The following DHX30 variants were observed in gnomAD, a reference collection of about 807,000 sequenced individuals.
The protein encoded by DHX30 is DExH-box helicase 30.
In DHX30, 4 loss-of-function variants were observed where a neutral mutation model predicts 116.9. That is an observed-to-expected ratio of 0.03 (90% CI 0.02 to 0.08). DHX30 has a LOEUF of 0.08. Among genes scored for constraint, DHX30 ranks in the 10% least tolerant of loss-of-function variants. DHX30 has a pLI of 1.00. For synonymous variants in DHX30, 697 were observed against 651.7 expected, an observed-to-expected ratio of 1.07 and a Z score of -1.06; for missense variants, 871 against 1,595.1, an observed-to-expected ratio of 0.55 and a Z score of 7.73.
At chr3:47,817,488 G>C (rs2036109352) in intron 3 of DHX30, among the ~76,000 whole-genome samples, 1 of 152,306 alleles carries the variant, frequency 6.6e-6, no homozygotes, top group Admixed American at 6.5e-5. Flanking sequence ...GGAGAAGGCT[G>C]GTAAGTGTGC....
chr3:47,816,356 CTTTTTTT>C (rs200180200), intron 3 of DHX30: 1 of 924,380 alleles, frequency 1.1e-6, no homozygotes, highest in African/African-American at 2.1e-5. Flanking sequence ...GAGCCGTCTT[CTTTTTTT>C]TTTTTTTTTT....
In DHX30 at chr3:47,846,837, C is replaced by T; in HGVS notation, c.1765C>T (p.Leu589Phe). 1 of 1,612,302 alleles carries T rather than the reference C, an allele frequency of 6.2e-7. No homozygotes were observed. Among genetic ancestry groups the T allele is most frequent in the Non-Finnish European group, 8.5e-7 (1 of 1,179,636 alleles). Reference sequence around the variant, plus strand: ...GCTCAACCCGGCCCTGCGGCTGGTGCTCATGAGTGCCACAGGGGACAATGA... The same window carrying T: ...GCTCAACCCGGCCCTGCGGCTGGTGTTCATGAGTGCCACAGGGGACAATGA... ...QRLNPALRLV[L>F]MSATGDNERF... The change falls in exon 11 of 22, where the codon CTC (leucine) becomes TTC (phenylalanine). Residue 589 changes from leucine (L) to phenylalanine (F), a missense_variant. This residue lies in a region of DHX30 where 22 missense variants were observed against 18.8 expected (regional missense o/e 1.17). Transcript: ENST00000445061.
chr3:47,839,625 C>A (rs1434753514), intron 6 of DHX30, among the ~76,000 whole-genome samples: 1 of 151,980 alleles, frequency 6.6e-6, no homozygotes, highest in African/African-American at 2.4e-5. Flanking sequence ...TATATAACTT[C>A]TTATAACAGA....
chr3:47,804,490 G>A (rs1232974529), intron 1 of DHX30, among the ~76,000 whole-genome samples: 2 of 152,200 alleles, frequency 1.3e-5, no homozygotes, highest in Non-Finnish European at 2.9e-5. Flanking sequence ...AGGAGGCCGA[G>A]GTTGCAGTGA....
Position 47,840,293 on chromosome 3 carries a change from G to C in DHX30, c.367-584G>C, listed in dbSNP as rs181450613. Among the ~76,000 whole-genome samples, 591 of 149,708 alleles carry C rather than the reference G, an allele frequency of 3.9e-3. 4 individuals are homozygous for C. Among genetic ancestry groups the C allele is most frequent in the Admixed American group, 8.5e-3 (128 of 15,008 alleles). ...ATTACAGGTGTGAGCCACCGCACCCGGCCCTACGTACTTTTTAATTGCTGT... is the reference window on the plus strand; with the variant it reads ...ATTACAGGTGTGAGCCACCGCACCCCGCCCTACGTACTTTTTAATTGCTGT... On this transcript the variant is annotated intron_variant, in intron 6 of 21. Coordinates refer to ENST00000445061, the MANE Select transcript of DHX30 (RefSeq NM_138615.3).
At chr3:47,839,808 T>G (rs2037286304) in intron 6 of DHX30, among the ~76,000 whole-genome samples, 1 of 151,906 alleles carries the variant, frequency 6.6e-6, no homozygotes, top group African/African-American at 2.4e-5. Context: ...CCTGAGTAGC[T>G]GAGATTACAG....
intron 6 of DHX30, among the ~76,000 whole-genome samples, chr3:47,839,998 CTTTTCT>C (rs1361883389): frequency 2.9e-5 from 3 of 102,320 alleles, no homozygotes; most frequent in Admixed American, 1.0e-4. Flanking sequence ...TTTTTCTTTT[CTTTTCT>C]TTTTTTTTTT....
At chr3:47,805,302 T>C (rs1485336208) in intron 1 of DHX30, 24 bp from the exon 2 acceptor site, 2 of 398,916 alleles carry the variant, frequency 5.0e-6, no homozygotes, top group East Asian at 3.6e-5. Flanking sequence ...CTCCACTGTA[T>C]TGACTCAGCG....
intron 1 of DHX30, among the ~76,000 whole-genome samples, chr3:47,804,787 G>A (rs1292518372): frequency 1.3e-5 from 2 of 152,176 alleles, no homozygotes; most frequent in African/African-American, 4.8e-5. Flanking sequence ...GCAGCTATGG[G>A]ATCTTGGGCA....
rs201203161 is a variant in DHX30 at position 47,848,593 on chromosome 3, G to A, written c.2576-31G>A. On this transcript the variant is annotated intron_variant, in intron 16 of 21. Transcript: ENST00000445061. This position sits in a 1 kb window ranked among gnomAD's most constrained non-coding sequence, Gnocchi z 9.4. ...TGGGCTGGGCTGGGGAGTGGCTCTC[G>A]AGGGTGGTACTGACAGCTGAGCCGT... 1.6e-5 allele frequency: 26 copies of A among 1,614,048 alleles called. No individual in the cohort carries two copies. The Admixed American group carries it at 2.0e-4, about 12-fold the overall frequency.
At chr3:47,803,449 G>T (rs1041103583) in intron 1 of DHX30, among the ~76,000 whole-genome samples, 2 of 152,156 alleles carry the variant, frequency 1.3e-5, no homozygotes, top group African/African-American at 4.8e-5. Flanking sequence ...CCGGGCGGGG[G>T]CGGGGGCCAG....
chr3:47,841,019 C>G lies in DHX30; in HGVS notation c.509C>G (p.Pro170Arg), dbSNP rs61757585. ...CCTACTTCCTGGCGGCAGCTGAATC[C>G]AGAGAGTATTCGACCAGGGGGACCT... ...MPPTSWRQLN[P>R]ESIRPGGPGG... is the part of the protein sequence containing the mutation. The change falls in exon 7 of 22, where the codon CCA (proline) becomes CGA (arginine). Residue 170 changes from proline (P) to arginine (R), a missense_variant. Physicochemically the swap from Pro to Arg is moderately radical, Grantham distance 103. Around this residue, in one of 13 missense-constraint regions of DHX30, gnomAD observed 109 missense variants for 118.8 expected, o/e 0.92. Coordinates refer to ENST00000445061, the MANE Select transcript of DHX30 (RefSeq NM_138615.3). The G allele has an allele frequency of 4.0e-5, 64 of 1,614,062 alleles. No individual in the cohort carries two copies. Among genetic ancestry groups the G allele is most frequent in the Non-Finnish European group, 5.2e-5 (61 of 1,180,034 alleles).
intron 9 of DHX30, 114 bp downstream of exon 9, chr3:47,843,369 G>C: frequency 1.4e-6 from 2 of 1,426,896 alleles, no homozygotes; most frequent in Admixed American, 2.1e-5. Flanking sequence ...CAGGCCTTTT[G>C]CCTGGCACAA....
At chr3:47,832,376 G>T (rs2036900087) in intron 6 of DHX30, among the ~76,000 whole-genome samples, 2 of 152,108 alleles carry the variant, frequency 1.3e-5, no homozygotes, top group South Asian at 2.1e-4. Context: ...TGATTGAGAT[G>T]GGGTCTAGCT....
intron 4 of DHX30, among the ~76,000 whole-genome samples, chr3:47,823,996 CTTTTTTTTTT>C (rs759550719): frequency 5.0e-5 from 5 of 100,382 alleles, no homozygotes; most frequent in Non-Finnish European, 7.9e-5. Context: ...TTTTCTTTTC[CTTTTTTTTTT>C]TTTTTTTTTT....
intron 4 of DHX30, among the ~76,000 whole-genome samples, chr3:47,824,203 A>G (rs1382734538): frequency 3.3e-5 from 5 of 151,856 alleles, no homozygotes. Flanking sequence ...GGGTTTCACC[A>G]TGTTGGCCAG....
At chr3:47,814,104 T>C (rs62263573) in intron 3 of DHX30, among the ~76,000 whole-genome samples, 47,985 of 151,318 alleles carry the variant, frequency 0.32, 7,910 homozygotes, top group East Asian at 0.43. Context: ...GTACTGATTT[T>C]GTAAAGAGAT....
At chr3:47,836,672 C>G (rs1225858382) in intron 6 of DHX30, among the ~76,000 whole-genome samples, 3 of 152,226 alleles carry the variant, frequency 2.0e-5, no homozygotes, top group African/African-American at 4.8e-5. Flanking sequence ...GTGCGCACCA[C>G]CACGCCCAGC....
intron 6 of DHX30, among the ~76,000 whole-genome samples, chr3:47,829,740 A>T (rs972641934): frequency 6.6e-6 from 1 of 152,072 alleles, no homozygotes; most frequent in Non-Finnish European, 1.5e-5. Flanking sequence ...AGCGTGAGGG[A>T]TATATTTCCA....
Sources: gnomAD v4.1 joint callset for allele counts (sites outside exome capture counted in the v4.1 genomes callset) on GRCh38, gnomAD v4.1.1 for gene constraint, gnomAD v4.1.1 regional missense constraint, Gnocchi (gnomAD v3.1) non-coding constraint, MANE v1.5 for transcripts, NCBI Gene and HGNC (gene_info 2026-07-23, HGNC 2026-07-21) for gene names.